Variants in TRPC4AP observed in about 807,000 individuals in gnomAD.
TRPC4AP encodes the protein short transient receptor potential channel 4-associated protein.
A neutral mutation model predicts 99.0 loss-of-function variants in TRPC4AP; 45 were observed. The ratio of observed to expected loss-of-function variants is 0.45; its 90% CI spans 0.36 to 0.58. The LOEUF (loss-of-function observed/expected upper bound fraction) is 0.58, where lower values mean the gene tolerates loss of function less well. TRPC4AP is among the 20% of genes least tolerant of loss of function. TRPC4AP has a pLI of 0.00. For synonymous variants in TRPC4AP, 408 were observed against 385.8 expected (o/e 1.06, Z -0.67); for missense variants, 879 against 985.3 (o/e 0.89, Z 1.44).
intron 5 of TRPC4AP, 105 bp from the exon 6 acceptor site, chr20:35,050,099 T>C: frequency 3.9e-6 from 5 of 1,273,206 alleles, no homozygotes; most frequent in Non-Finnish European, 5.4e-6. Context: ...CTCTGAAAAC[T>C]GGCATGAGTC....
intron 8 of TRPC4AP, among the ~76,000 whole-genome samples, chr20:35,024,854 A>AAAAAAAAAAAAAAAAAAAAACAT (rs1479270980): frequency 6.7e-5 from 6 of 89,476 alleles, no homozygotes; most frequent in East Asian, 4.4e-4. Context: ...AAAAAAAAAA[A>AAAAAAAAAAAAAAAAAAAAACAT]ATTCTGTTTA....
At chr20:35,024,341 G>A (rs1315804975) in intron 8 of TRPC4AP, among the ~76,000 whole-genome samples, 2 of 151,970 alleles carry the variant, frequency 1.3e-5, no homozygotes, top group Non-Finnish European at 2.9e-5. Context: ...TTAGCTCTAG[G>A]CAACCATGAA....
intron 2 of TRPC4AP, among the ~76,000 whole-genome samples, chr20:35,074,141 G>C (rs1452533267): frequency 1.3e-5 from 2 of 151,988 alleles, no homozygotes; most frequent in East Asian, 1.9e-4. Flanking sequence ...ATTTTTTATT[G>C]CATCTATTTG....
chr20:35,073,799 G>A (rs1283693006), intron 2 of TRPC4AP, among the ~76,000 whole-genome samples: 3 of 152,150 alleles, frequency 2.0e-5, no homozygotes, highest in Non-Finnish European at 2.9e-5. Flanking sequence ...GAGTTAGGGA[G>A]GATTCCCTCT....
chr20:35,021,497 A>G (rs1600526802), intron 8 of TRPC4AP, 141 bp from the exon 9 acceptor site: 1 of 944,516 alleles, frequency 1.1e-6, no homozygotes, highest in Non-Finnish European at 1.5e-6. Flanking sequence ...GAAAGCTGCA[A>G]AACTCCCTCC....
intron 7 of TRPC4AP, among the ~76,000 whole-genome samples, chr20:35,035,971 C>A (rs1224796151): frequency 6.6e-6 from 1 of 152,194 alleles, no homozygotes; most frequent in East Asian, 1.9e-4. Flanking sequence ...AAACAATTCT[C>A]TTAAAATTAC....
chr20:35,066,877 TAATC>T (rs1333061237), intron 3 of TRPC4AP, among the ~76,000 whole-genome samples: 2 of 151,404 alleles, frequency 1.3e-5, no homozygotes, highest in Non-Finnish European at 3.0e-5. Context: ...AAAGGACAAA[TAATC>T]AAATCGAAAA....
intron 9 of TRPC4AP, among the ~76,000 whole-genome samples, chr20:35,016,889 A>G (rs965821849): frequency 2.0e-5 from 3 of 152,226 alleles, no homozygotes; most frequent in African/African-American, 7.2e-5. Context: ...GAAAGATGAC[A>G]AAGCTTTATA....
At chr20:35,065,852 A>G (rs1423273201) in intron 3 of TRPC4AP, among the ~76,000 whole-genome samples, 2 of 152,234 alleles carry the variant, frequency 1.3e-5, no homozygotes, top group Non-Finnish European at 1.5e-5. Context: ...TAAATACATC[A>G]GTTCTTACTA....
At chr20:35,056,707 G>A (rs1234948031) in intron 4 of TRPC4AP, among the ~76,000 whole-genome samples, 1 of 151,996 alleles carries the variant, frequency 6.6e-6, no homozygotes, top group African/African-American at 2.4e-5. Flanking sequence ...GAAGCTGGGT[G>A]CGGTGGCTCA....
chr20:35,030,977 T>C (rs2083176522), intron 8 of TRPC4AP, among the ~76,000 whole-genome samples: 3 of 152,358 alleles, frequency 2.0e-5, no homozygotes, highest in Admixed American at 6.5e-5. Context: ...TCCAGATGTT[T>C]GTCTGTTACT....
chr20:35,043,748 A>T (rs1274436652), intron 7 of TRPC4AP, among the ~76,000 whole-genome samples: 1 of 152,244 alleles, frequency 6.6e-6, no homozygotes, highest in East Asian at 1.9e-4. Flanking sequence ...TTGTAACAAG[A>T]TGCTGTAATA....
In TRPC4AP at chr20:35,002,860, T is replaced by C. The variant is rs1045915701; in HGVS notation, c.*286A>G. 1 of 353,124 alleles carries C rather than the reference T, an allele frequency of 2.8e-6. No homozygotes were observed. Among genetic ancestry groups the C allele is most frequent in the Non-Finnish European group, 5.2e-6 (1 of 190,556 alleles). The allele number at this position is 353,124 out of a possible 1,614,324, so 21.9% of individuals were successfully genotyped here. Reference sequence around the variant, plus strand: ...CCGGCAGGAGCTCACACAGAGCTAATGCTAAATGTCCTCTTACCTCTGGGT... The same window carrying C: ...CCGGCAGGAGCTCACACAGAGCTAACGCTAAATGTCCTCTTACCTCTGGGT... On this transcript the variant is annotated 3_prime_UTR_variant, in exon 19 of 19. Coordinates refer to ENST00000252015, the MANE Select transcript of TRPC4AP (RefSeq NM_015638.3).
intron 11 of TRPC4AP, among the ~76,000 whole-genome samples, chr20:35,011,868 C>T (rs932343309): frequency 1.3e-5 from 2 of 152,218 alleles, no homozygotes; most frequent in African/African-American, 2.4e-5. Context: ...CAGTCCTGGA[C>T]CCTGTCAAAT....
intron 5 of TRPC4AP, among the ~76,000 whole-genome samples, chr20:35,051,360 T>C (rs1328282634): frequency 6.6e-6 from 1 of 152,108 alleles, no homozygotes; most frequent in African/African-American, 2.4e-5. Context: ...GCCATGACTA[T>C]TCACAAGTAC....
At chr20:35,054,001 G>A (rs559966931) in intron 5 of TRPC4AP, among the ~76,000 whole-genome samples, 120 of 152,218 alleles carry the variant, frequency 7.9e-4, no homozygotes, top group African/African-American at 2.7e-3. Flanking sequence ...GTGCCCATCC[G>A]TAATACAGAT....
chr20:35,070,136 A>C (rs1600639907), intron 2 of TRPC4AP, among the ~76,000 whole-genome samples: 1 of 152,138 alleles, frequency 6.6e-6, no homozygotes, highest in Non-Finnish European at 1.5e-5. Context: ...GACATTCCAG[A>C]TATCTCAGTA....
At position 35,092,790 on chromosome 20, in the gene TRPC4AP, G is replaced by T; in HGVS notation, c.-9C>A. ...ACCGGCGCCGCCGCCATGTCTCCTC[G>T]TCGGACAAACAGGAAGCAAGCGGCC... On this transcript the variant is annotated 5_prime_UTR_variant, in exon 1 of 19. Transcript: ENST00000252015. The T allele has an allele frequency of 6.6e-7, 1 of 1,526,254 alleles. No individual in the cohort carries two copies. The highest frequency in any genetic ancestry group is 2.6e-5 in the East Asian group (1 of 38,194). The allele number at this position is 1,526,254 out of a possible 1,614,324, so 94.5% of individuals were successfully genotyped here.
intron 7 of TRPC4AP, among the ~76,000 whole-genome samples, chr20:35,043,164 T>A (rs759814171): frequency 2.0e-5 from 3 of 152,192 alleles, no homozygotes; most frequent in Non-Finnish European, 4.4e-5. Context: ...ATTATATAAA[T>A]ATTGAATACA....
Sources: gnomAD v4.1 joint callset for allele counts (sites outside exome capture counted in the v4.1 genomes callset) on GRCh38, gnomAD v4.1.1 for gene constraint, MANE v1.5 for transcripts, NCBI Gene and HGNC (gene_info 2026-07-23, HGNC 2026-07-21) for gene names.